The following EIF3B variants were observed in gnomAD, a reference collection of about 807,000 sequenced individuals.
The protein encoded by EIF3B is eukaryotic translation initiation factor 3 subunit 9.
In EIF3B, 10 loss-of-function variants were observed where a neutral mutation model predicts 104.6. The observed-to-expected ratio is 0.10, with a 90% CI of 0.06 to 0.16. EIF3B has a LOEUF of 0.16. Ranked by LOEUF, EIF3B falls within the 10% of genes least tolerant of loss-of-function variation. The pLI, the probability that EIF3B is intolerant of heterozygous loss-of-function variation, is 1.00. For missense variants in EIF3B, 1,014 were observed against 1,087.9 expected (o/e 0.93, Z 0.96); for synonymous variants, 542 against 417.2 (o/e 1.30, Z -3.65).
intron 13 of EIF3B, 128 bp from the exon 14 acceptor site, chr7:2,375,261 C>CTG (rs1278917113): frequency 2.5e-6 from 3 of 1,178,522 alleles, no homozygotes; most frequent in Non-Finnish European, 3.7e-6. Context: ...GAGGCTGTTG[C>CTG]TGTGCTTGTT....
chr7:2,370,926 G>A (rs1235585923), intron 10 of EIF3B, among the ~76,000 whole-genome samples: 1 of 152,148 alleles, frequency 6.6e-6, no homozygotes, highest in East Asian at 1.9e-4. Context: ...AGCCAGGCGT[G>A]GTGGCGGGTG....
intron 10 of EIF3B, among the ~76,000 whole-genome samples, chr7:2,370,620 G>A (rs527668457): frequency 7.2e-5 from 11 of 152,134 alleles, no homozygotes; most frequent in East Asian, 3.9e-4. Flanking sequence ...GTGGTTTTTC[G>A]TGTGTTCAGA....
intron 3 of EIF3B, 83 bp downstream of exon 3, chr7:2,362,847 G>C (rs1779812871): frequency 2.5e-6 from 4 of 1,580,364 alleles, no homozygotes; most frequent in Non-Finnish European, 1.7e-6. Context: ...GCTTCTCGGT[G>C]CTGGTGTCTG....
At chr7:2,372,008 C>T in intron 11 of EIF3B, 159 bp downstream of exon 11, 2 of 642,520 alleles carry the variant, frequency 3.1e-6, no homozygotes, top group Non-Finnish European at 5.6e-6. Flanking sequence ...GTGTTTAGAG[C>T]CTGGGCAACA....
chr7:2,360,883 G>A lies in EIF3B; in HGVS notation c.673G>A (p.Glu225Lys). The change falls in exon 2 of 19, where the codon GAG (glutamate) becomes AAG (lysine). Residue 225 changes from glutamate (E) to lysine (K), a missense_variant. Coordinates refer to ENST00000360876, the MANE Select transcript of EIF3B (RefSeq NM_001037283.2). ...AATCACAAATGATTTTTATCCTGAA[G>A]AGGATGGGAAGACAAAAGGGTGAGT... ...GKITNDFYPE[E>K]DGKTKGYIFL... 2 of 1,612,210 alleles carry A rather than the reference G, an allele frequency of 1.2e-6. No homozygotes were observed. Among genetic ancestry groups the A allele is most frequent in the South Asian group, 2.2e-5 (2 of 91,038 alleles).
At chr7:2,375,277 G>T in intron 13 of EIF3B, 112 bp from the exon 14 acceptor site, 1 of 1,408,276 alleles carries the variant, frequency 7.1e-7, no homozygotes, top group Non-Finnish European at 9.9e-7. Flanking sequence ...TTGTTTCCAT[G>T]TTAACGCCGA....
rs943921481 is a variant in EIF3B at position 2,356,273 on chromosome 7, G to A, written c.499+853G>A. ...CCAGCGATACACCAGGACAATTTCG[G>A]GAATAACATGGAGTTGCCAATTTAT... On this transcript the variant is annotated intron_variant, in intron 1 of 18. Coordinates refer to ENST00000360876, the MANE Select transcript of EIF3B (RefSeq NM_001037283.2). Among the ~76,000 whole-genome samples, 5 of 152,224 alleles carry A rather than the reference G, an allele frequency of 3.3e-5. No homozygotes were observed. The South Asian group carries it at 8.3e-4, about 25-fold the overall frequency.
At chr7:2,356,109 T>A (rs1309864027) in intron 1 of EIF3B, among the ~76,000 whole-genome samples, 1 of 152,214 alleles carries the variant, frequency 6.6e-6, no homozygotes, top group Non-Finnish European at 1.5e-5. Context: ...TGAAGCTACT[T>A]CTGATGAGAG....
At chr7:2,359,554 C>T (rs911302341) in intron 1 of EIF3B, among the ~76,000 whole-genome samples, 5 of 152,182 alleles carry the variant, frequency 3.3e-5, no homozygotes, top group Non-Finnish European at 7.3e-5. Flanking sequence ...CGTCTATATC[C>T]TCTGTAACGT....
intron 1 of EIF3B, among the ~76,000 whole-genome samples, chr7:2,358,374 A>G (rs1779565173): frequency 6.6e-6 from 1 of 150,986 alleles, no homozygotes; most frequent in African/African-American, 2.4e-5. Flanking sequence ...GTGAGCCACC[A>G]TGCTGGGTCA....
At chr7:2,358,892 A>T (rs898533270) in intron 1 of EIF3B, among the ~76,000 whole-genome samples, 1 of 152,170 alleles carries the variant, frequency 6.6e-6, no homozygotes, top group African/African-American at 2.4e-5. Context: ...TCACATCAAG[A>T]ACAGCTTCAC....
chr7:2,365,768 C>T (rs1367953746), intron 6 of EIF3B, among the ~76,000 whole-genome samples: 3 of 151,470 alleles, frequency 2.0e-5, no homozygotes, highest in African/African-American at 4.9e-5. Context: ...CTCCACCTCC[C>T]GGGTTCAAGC....
Position 2,360,864 on chromosome 7 carries a change from A to T in EIF3B, c.654A>T (p.Thr218=), listed in dbSNP as rs1031484095. The T allele has an allele frequency of 6.2e-7, 1 of 1,613,868 alleles. No homozygotes were observed. Among genetic ancestry groups the T allele is most frequent in the Non-Finnish European group, 8.5e-7 (1 of 1,179,772 alleles). ...TCTTTTCCAAGTTTGGGAAAATCACAAATGATTTTTATCCTGAAGAGGATG... is the reference window on the plus strand; with the variant it reads ...TCTTTTCCAAGTTTGGGAAAATCACTAATGATTTTTATCCTGAAGAGGATG... ...HKIFSKFGKI[T]NDFYPEEDGK... Residue 218 remains threonine (T), a synonymous_variant, in exon 2 of 19, where the codon ACA becomes ACT. Coordinates refer to ENST00000360876, the MANE Select transcript of EIF3B (RefSeq NM_001037283.2).
In EIF3B at chr7:2,363,637, C is replaced by A; in HGVS notation, c.876C>A (p.Asn292Lys). 1.3e-6 allele frequency: 2 copies of A among 1,598,986 alleles called. No individual in the cohort carries two copies. The highest frequency in any genetic ancestry group is 1.7e-6 in the Non-Finnish European group (2 of 1,175,902). Residue 292 changes from asparagine (N) to lysine (K), a missense_variant, in exon 5 of 19, where the codon AAC (asparagine) becomes AAA (lysine). Transcript: ENST00000360876. ...PEKQPFKDLG[N>K]LRYWLEEAEC... Reference sequence around the variant, plus strand: ...TCCTTGTCTTTGTTTTTAAGGGGAACTTACGTTACTGGCTTGAAGAGGCAG... The same window carrying A: ...TCCTTGTCTTTGTTTTTAAGGGGAAATTACGTTACTGGCTTGAAGAGGCAG...
intron 12 of EIF3B, 106 bp from the exon 13 acceptor site, chr7:2,374,422 C>G: frequency 1.9e-6 from 2 of 1,030,978 alleles, no homozygotes; most frequent in Non-Finnish European, 2.9e-6. Flanking sequence ...GCATTACCAG[C>G]TCTGCCCTCA....
At chr7:2,374,693 T>C in intron 13 of EIF3B, 87 bp downstream of exon 13, 2 of 1,254,676 alleles carry the variant, frequency 1.6e-6, no homozygotes, top group Non-Finnish European at 2.3e-6. Flanking sequence ...CCCGGCTTCT[T>C]GGTAGAGAGA....
intron 2 of EIF3B, among the ~76,000 whole-genome samples, chr7:2,362,027 T>G (rs2115291670): frequency 6.6e-6 from 1 of 152,268 alleles, no homozygotes; most frequent in East Asian, 1.9e-4. Context: ...TGGCACGATC[T>G]TGGCTCACTG....
Position 2,355,206 on chromosome 7 carries a change from G to C in EIF3B, c.285G>C (p.Ser95=), listed in dbSNP as rs1343448885. ...SPPAAEELPG[S]HAEPPVPAQG... ...CGGCCGCCGAGGAGCTGCCCGGGTCGCATGCTGAGCCCCCTGTCCCGGCAC... is the reference window on the plus strand; with the variant it reads ...CGGCCGCCGAGGAGCTGCCCGGGTCCCATGCTGAGCCCCCTGTCCCGGCAC... Residue 95 remains serine (S), a synonymous_variant, in exon 1 of 19, where the codon TCG becomes TCC. Transcript: ENST00000360876. 6.7e-7 allele frequency: 1 copy of C among 1,488,542 alleles called. No individual in the cohort carries two copies. Among genetic ancestry groups the C allele is most frequent in the African/African-American group, 1.5e-5 (1 of 68,478 alleles). The allele number at this position is 1,488,542 out of a possible 1,614,324, so 92.2% of individuals were successfully genotyped here. A position where few individuals can be genotyped will look rare whatever the true frequency, so the allele number is the denominator to read the frequency against.
chr7:2,362,855 C>CT, intron 3 of EIF3B, 91 bp downstream of exon 3: 1 of 1,569,144 alleles, frequency 6.4e-7, no homozygotes, highest in Non-Finnish European at 8.7e-7. Context: ...GTGCTGGTGT[C>CT]TGTCAGATTG....
Sources: allele counts gnomAD v4.1 joint callset (sites outside exome capture counted in the v4.1 genomes callset), GRCh38; gene constraint gnomAD v4.1.1; transcripts MANE v1.5; gene names NCBI Gene and HGNC (gene_info 2026-07-23, HGNC 2026-07-21).